PROM1: variants seen among roughly 807,000 people sequenced by gnomAD.
PROM1 encodes prominin 1.
A neutral mutation model predicts 116.9 loss-of-function variants in PROM1; 105 were observed. The ratio of observed to expected loss-of-function variants is 0.90; its 90% CI spans 0.77 to 1.06. The LOEUF (loss-of-function observed/expected upper bound fraction) is 1.06, where lower values mean the gene tolerates loss of function less well. Among genes scored for constraint, PROM1 ranks in the 50% least tolerant of loss-of-function variants. The pLI is 0.00. For synonymous variants in PROM1, 393 were observed against 387.0 expected (o/e 1.02, Z -0.18); for missense variants, 1,122 against 1,045.2 (o/e 1.07, Z -1.01).
chr4:15,973,129 G>C (rs1301539987), intron 26 of PROM1, among the ~76,000 whole-genome samples: 1 of 152,188 alleles, frequency 6.6e-6, no homozygotes, highest in Non-Finnish European at 1.5e-5. Context: ...CCTCCTCTAG[G>C]CTGCAGAGGT....
chr4:16,010,337 A>AT lies in PROM1; in HGVS notation c.1142-1230dup, dbSNP rs143688514. On this transcript the variant is annotated intron_variant, in intron 11 of 27. Transcript: ENST00000447510. ...ACACGGACATACTAAGAACACACTAATCAGTTAAAAGTCCACTGATCCTGC... is the reference window on the plus strand; with the variant it reads ...ACACGGACATACTAAGAACACACTAATTCAGTTAAAAGTCCACTGATCCTGC... Among the ~76,000 whole-genome samples the AT allele has an allele frequency of 4.9e-3, 745 of 152,302 alleles. 29 individuals carry two copies. The East Asian group carries it at 0.11, about 22-fold the overall frequency.
chr4:15,974,070 CACACACACATACAG>C (rs1175980957), intron 26 of PROM1, among the ~76,000 whole-genome samples: 23 of 151,192 alleles, frequency 1.5e-4, no homozygotes, highest in Admixed American at 1.1e-3. Context: ...AGTAAGTTTA[CACACACACATACAG>C]ACACACACAC....
chr4:16,071,202 C>T (rs1437550944), intron 2 of PROM1, among the ~76,000 whole-genome samples: 1 of 152,190 alleles, frequency 6.6e-6, no homozygotes, highest in African/African-American at 2.4e-5. Flanking sequence ...GGGTTCTCTT[C>T]CCCAAACTGA....
At chr4:15,994,176 C>T in intron 15 of PROM1, 105 bp from the exon 16 acceptor site, 1 of 1,552,282 alleles carries the variant, frequency 6.4e-7, no homozygotes, top group East Asian at 2.3e-5. Flanking sequence ...CTTGTTTAAT[C>T]TGTGAACACA....
intron 4 of PROM1, among the ~76,000 whole-genome samples, chr4:16,034,136 A>T (rs1263933745): frequency 6.6e-6 from 1 of 152,216 alleles, no homozygotes; most frequent in East Asian, 1.9e-4. Context: ...GAGTACTTGC[A>T]TAACAATCTA....
intron 2 of PROM1, among the ~76,000 whole-genome samples, chr4:16,071,798 C>G (rs2313733): frequency 6.6e-6 from 1 of 151,904 alleles, no homozygotes; most frequent in African/African-American, 2.4e-5. Context: ...TGGTATTATT[C>G]CAAGAAACTG....
intron 2 of PROM1, among the ~76,000 whole-genome samples, chr4:16,064,183 A>G (rs1413336501): frequency 6.6e-6 from 1 of 152,238 alleles, no homozygotes; most frequent in Non-Finnish European, 1.5e-5. Context: ...TCTTCATAGC[A>G]GGACTAAGCA....
rs1424012057 is a variant in PROM1, at chr4:15,980,253, C to T, written c.2489+169G>A. ...GTAGTTAAAACAAGTATAGAAAAAT[C>T]AGTACCAAGAAAAAAAAATTCACCT... is the stretch of plus-strand genomic sequence containing the variant. On this transcript the variant is annotated intron_variant, in intron 24 of 27. Transcript: ENST00000447510. 5 of 586,124 alleles carry T rather than the reference C, an allele frequency of 8.5e-6. No homozygotes were observed. In the South Asian group the frequency reaches 1.0e-4, roughly 12 times the overall value. The allele number at this position is 586,124 out of a possible 1,614,324, so 36.3% of individuals were successfully genotyped here.
chr4:15,975,908 C>A (rs531639071), intron 26 of PROM1, among the ~76,000 whole-genome samples: 8 of 152,334 alleles, frequency 5.3e-5, no homozygotes, highest in African/African-American at 1.9e-4. Context: ...CTTTGGGATT[C>A]TTCTCTTACT....
rs143679998 is a variant in PROM1, at chr4:16,010,797, G to A, written c.1142-1689C>T. Among the ~76,000 whole-genome samples, 480 of 152,186 alleles carry A rather than the reference G, an allele frequency of 3.2e-3. 2 individuals are homozygous for A. The highest frequency in any genetic ancestry group is 0.01 in the African/African-American group (434 of 41,512). ...ATTATAGCAGTGAGCCACCACACCC[G>A]GCCCTGGAAACTTTTTTAAAGTTTG... On this transcript the variant is annotated intron_variant, in intron 11 of 27. Coordinates refer to ENST00000447510, the MANE Select transcript of PROM1 (RefSeq NM_006017.3).
chr4:15,982,057 G>A (rs556083566), intron 23 of PROM1, among the ~76,000 whole-genome samples: 1 of 152,360 alleles, frequency 6.6e-6, no homozygotes, highest in South Asian at 2.1e-4. Context: ...AACACACAAT[G>A]TATAGATGTC....
chr4:16,004,832 T>TTCTTTCTTTCTTTCTTTTCTTC (rs1203366908), intron 13 of PROM1, among the ~76,000 whole-genome samples: 10 of 122,506 alleles, frequency 8.2e-5, no homozygotes, highest in African/African-American at 3.0e-4. Context: ...TCTTTCTTTT[T>TTCTTTCTTTCTTTCTTTTCTTC]CTTCCTTCCT....
At position 15,985,763 on chromosome 4, in the gene PROM1, G is replaced by C; in HGVS notation, c.2277C>G (p.Phe759Leu). The C allele has an allele frequency of 6.4e-7, 1 of 1,556,386 alleles. No homozygotes were observed. The highest frequency in any genetic ancestry group is 1.4e-5 in the African/African-American group (1 of 73,692). The change falls in exon 22 of 28, where the codon TTC (phenylalanine) becomes TTG (leucine). Residue 759 changes from phenylalanine to leucine, a missense_variant. Coordinates refer to ENST00000447510, the MANE Select transcript of PROM1 (RefSeq NM_006017.3). ...TCATAAAAGATAAACTACTTACAGA[G>C]AACTCGATCCACTGCAGATAATGTT... Reference protein sequence around the residue: ...YFEHYLQWIEFSISEKVASCK... With the variant: ...YFEHYLQWIELSISEKVASCK...
At chr4:16,047,722 G>T (rs1376389263) in intron 2 of PROM1, among the ~76,000 whole-genome samples, 1 of 152,110 alleles carries the variant, frequency 6.6e-6, no homozygotes, top group African/African-American at 2.4e-5. Flanking sequence ...GCTCCTGCTG[G>T]ATGGTTATAC....
intron 10 of PROM1, among the ~76,000 whole-genome samples, chr4:16,014,863 G>T (rs1380980073): frequency 2.6e-5 from 4 of 152,200 alleles, no homozygotes; most frequent in Non-Finnish European, 5.9e-5. Context: ...AAGCTACTGG[G>T]GAAATCAGGG....
intron 9 of PROM1, among the ~76,000 whole-genome samples, chr4:16,017,761 G>T (rs1728767286): frequency 6.6e-6 from 1 of 152,164 alleles, no homozygotes; most frequent in Non-Finnish European, 1.5e-5. Flanking sequence ...GTTGGAGGTT[G>T]CAGTCAGCTG....
At chr4:16,023,229 A>T in intron 8 of PROM1, 97 bp downstream of exon 8, 2 of 1,126,596 alleles carry the variant, frequency 1.8e-6, no homozygotes, top group Non-Finnish European at 1.3e-6. Context: ...GCTCTCCCCA[A>T]GCCAGCTCTC....
At chr4:16,015,616 G>T (rs1169570698) in intron 10 of PROM1, among the ~76,000 whole-genome samples, 1 of 151,932 alleles carries the variant, frequency 6.6e-6, no homozygotes, top group Non-Finnish European at 1.5e-5. Flanking sequence ...CTTGAACTCG[G>T]GAGGCAGAGG....
intron 10 of PROM1, among the ~76,000 whole-genome samples, chr4:16,015,310 C>A (rs574094198): frequency 7.9e-6 from 1 of 126,994 alleles, no homozygotes; most frequent in African/African-American, 3.2e-5. Flanking sequence ...CATGCCACTG[C>A]ACTCCAGCCT....
Sources: gnomAD v4.1 joint callset for allele counts (sites outside exome capture counted in the v4.1 genomes callset) on GRCh38, gnomAD v4.1.1 for gene constraint, MANE v1.5 for transcripts, NCBI Gene and HGNC (gene_info 2026-07-23, HGNC 2026-07-21) for gene names.